Variants in C12orf56 observed in about 807,000 individuals in gnomAD.
The protein encoded by C12orf56 is uncharacterized protein C12orf56.
C12orf56 carries 71 observed loss-of-function variants against 69.9 expected under a neutral mutation model. That is an observed-to-expected ratio of 1.02 (90% confidence interval 0.84 to 1.24). The LOEUF is 1.24. Among genes scored for constraint, C12orf56 ranks in the 50% most tolerant of loss-of-function variants. C12orf56 has a pLI of 0.00. For synonymous variants in C12orf56, 276 were observed against 274.1 expected (o/e 1.01, Z -0.07); for missense variants, 732 against 738.5 (o/e 0.99, Z 0.10).
intron 1 of C12orf56, among the ~76,000 whole-genome samples, chr12:64,371,902 T>TC (rs2039576527): frequency 7.3e-6 from 1 of 136,110 alleles, no homozygotes; most frequent in Non-Finnish European, 1.5e-5. Context: ...GGCAATGATT[T>TC]CTTTTTTTTT....
Position 64,303,671 on chromosome 12 carries a change from G to T in C12orf56, c.1077C>A (p.Ala359=). ...GCCTTTTCAGAATGAAGTTTTTCTG[G>T]GCTGCTACTTTAAGTTCCATAAGTA... ...LSLLMELKVA[A]QKNFILKRLF... Residue 359 remains alanine (A), a synonymous_variant, in exon 6 of 13, where the codon GCC becomes GCA. Transcript: ENST00000543942. 6.4e-7 allele frequency: 1 copy of T among 1,566,522 alleles called. No individual in the cohort carries two copies. Among genetic ancestry groups the T allele is most frequent in the South Asian group, 1.2e-5 (1 of 82,042 alleles).
Position 64,330,971 on chromosome 12 carries a change from T to C in C12orf56, c.477A>G (p.Glu159=). The C allele has an allele frequency of 6.4e-7, 1 of 1,555,066 alleles. No homozygotes were observed. The highest frequency in any genetic ancestry group is 8.7e-7 in the Non-Finnish European group (1 of 1,148,450). ...WRSKESRSLK[E]SPLRDQQESS... ...AACAACAATCTCACCTGAGAGGAGA[T>C]TCTTTCAGACTTCTGGACTCTTTGC... Residue 159 remains glutamate, a synonymous_variant, in exon 3 of 13, where the codon GAA becomes GAG. Transcript: ENST00000543942.
At chr12:64,382,215 T>C (rs1226832205) in intron 1 of C12orf56, among the ~76,000 whole-genome samples, 3 of 145,170 alleles carry the variant, frequency 2.1e-5, no homozygotes, top group African/African-American at 7.7e-5. Context: ...TGAGCCGAGA[T>C]TGCACCACTG....
intron 3 of C12orf56, among the ~76,000 whole-genome samples, chr12:64,327,208 T>C (rs2038857154): frequency 6.6e-6 from 1 of 152,144 alleles, no homozygotes; most frequent in Admixed American, 6.5e-5. Flanking sequence ...CCTTATAAAT[T>C]AGCCAGTTTC....
chr12:64,354,472 T>C (rs995807429), intron 1 of C12orf56, among the ~76,000 whole-genome samples: 1 of 151,938 alleles, frequency 6.6e-6, no homozygotes, highest in African/African-American at 2.4e-5. Flanking sequence ...TTTTTTTTAT[T>C]TTGAGATGGA....
intron 6 of C12orf56, among the ~76,000 whole-genome samples, chr12:64,289,161 T>G (rs2038252755): frequency 8.4e-6 from 1 of 119,480 alleles, no homozygotes; most frequent in Non-Finnish European, 1.8e-5. Context: ...TGTCTGTTGT[T>G]GGTGTATAAG....
At position 64,318,597 on chromosome 12, in the gene C12orf56, C is replaced by A. The variant is rs762087312; in HGVS notation, c.872G>T (p.Ser291Ile). The A allele has an allele frequency of 1.3e-6, 2 of 1,535,088 alleles. No individual in the cohort carries two copies. Among genetic ancestry groups the A allele is most frequent in the Non-Finnish European group, 8.7e-7 (1 of 1,145,640 alleles). The change falls in exon 4 of 13, where the codon AGT (serine) becomes ATT (isoleucine). Residue 291 changes from serine (S) to isoleucine (I), a missense_variant. By Grantham distance (142) the Ser-to-Ile change is moderately radical. Transcript: ENST00000543942. ...TTSSIFLHLK[S>I]SWNNYIIKAT... is the part of the protein sequence containing the mutation. ...TACTATAATATAATTGTTCCATGAA[C>A]TTTTTAAGTGCAGAAATATTGATGA...
intron 4 of C12orf56, among the ~76,000 whole-genome samples, chr12:64,315,152 A>G (rs1420011384): frequency 6.6e-6 from 1 of 151,574 alleles, no homozygotes; most frequent in Non-Finnish European, 1.5e-5. Context: ...GGGTTTCACC[A>G]TGTTGTCCAG....
At chr12:64,288,958 G>A (rs1235212929) in intron 6 of C12orf56, among the ~76,000 whole-genome samples, 5 of 137,564 alleles carry the variant, frequency 3.6e-5, no homozygotes, top group Non-Finnish European at 6.3e-5. Flanking sequence ...CCATTTTCAC[G>A]ATATTGATTC....
At chr12:64,308,929 A>AAGG (rs2038559747) in intron 5 of C12orf56, among the ~76,000 whole-genome samples, 1 of 45,562 alleles carries the variant, frequency 2.2e-5, no homozygotes, top group Non-Finnish European at 4.5e-5. Context: ...AGAAAGAAAG[A>AAGG]AAGAAAGAAA....
intron 5 of C12orf56, 26 bp from the exon 6 acceptor site, chr12:64,303,805 A>C (rs1319042937): frequency 6.4e-7 from 1 of 1,555,296 alleles, no homozygotes; most frequent in Non-Finnish European, 8.6e-7. Context: ...AAAATTTTCC[A>C]CTTAAAAAAA....
At chr12:64,353,470 T>C (rs1487822353) in intron 1 of C12orf56, among the ~76,000 whole-genome samples, 2 of 151,912 alleles carry the variant, frequency 1.3e-5, no homozygotes, top group East Asian at 1.9e-4. Context: ...TGAGTTCTTT[T>C]TTTTTTTCCC....
At chr12:64,388,493 T>C (rs1023412659) in intron 1 of C12orf56, among the ~76,000 whole-genome samples, 8 of 152,162 alleles carry the variant, frequency 5.3e-5, no homozygotes, top group African/African-American at 1.9e-4. Flanking sequence ...TTCCCCTGCG[T>C]TGGCCTCCCA....
chr12:64,320,071 C>A (rs2038751379), intron 3 of C12orf56, among the ~76,000 whole-genome samples: 1 of 152,246 alleles, frequency 6.6e-6, no homozygotes. Context: ...AGTGCCGCTC[C>A]CGAACGGGCT....
chr12:64,387,786 T>A (rs1222331210), intron 1 of C12orf56, among the ~76,000 whole-genome samples: 3 of 151,966 alleles, frequency 2.0e-5, no homozygotes, highest in Non-Finnish European at 4.4e-5. Flanking sequence ...CACTCCAGCC[T>A]GGGCAACAGA....
intron 2 of C12orf56, among the ~76,000 whole-genome samples, chr12:64,349,831 C>T (rs1165103887): frequency 1.3e-5 from 2 of 152,248 alleles, no homozygotes; most frequent in Non-Finnish European, 2.9e-5. Context: ...TGGTGGCTCA[C>T]GCCTGTAATC....
intron 6 of C12orf56, among the ~76,000 whole-genome samples, chr12:64,300,336 T>A (rs971475975): frequency 1.3e-5 from 2 of 152,010 alleles, no homozygotes; most frequent in African/African-American, 2.4e-5. Flanking sequence ...CTCTCCATTC[T>A]TTTTTTGTTC....
chr12:64,288,755 T>G (rs1328924797), intron 6 of C12orf56, among the ~76,000 whole-genome samples: 24 of 147,424 alleles, frequency 1.6e-4, no homozygotes, highest in Non-Finnish European at 3.5e-4. Flanking sequence ...TACTGTAGCC[T>G]TGTAGTATAG....
chr12:64,342,797 C>T (rs1157798776), intron 2 of C12orf56, among the ~76,000 whole-genome samples: 3 of 152,190 alleles, frequency 2.0e-5, no homozygotes, highest in Non-Finnish European at 4.4e-5. Context: ...TAGTTATTTG[C>T]AGAAGGCAGG....
Sources: gnomAD v4.1 joint callset for allele counts (sites outside exome capture counted in the v4.1 genomes callset) on GRCh38, gnomAD v4.1.1 for gene constraint, MANE v1.5 for transcripts, NCBI Gene and HGNC (gene_info 2026-07-23, HGNC 2026-07-21) for gene names.